ERC2: variants seen among roughly 807,000 people sequenced by gnomAD.
ERC2 encodes the protein ELKS/RAB6-interacting/CAST family member 2.
Under a neutral mutation model 114.8 loss-of-function variants are expected in ERC2, and 42 were observed. That is an observed-to-expected ratio of 0.37 (90% CI 0.29 to 0.47). The LOEUF (loss-of-function observed/expected upper bound fraction) is 0.47, where lower values mean the gene tolerates loss of function less well. Ranked by LOEUF, ERC2 falls within the 20% of genes least tolerant of loss-of-function variation. The pLI is 0.99. For synonymous variants in ERC2, 454 were observed against 425.5 expected (o/e 1.07, Z -0.82); for missense variants, 939 against 1,150.7 (o/e 0.82, Z 2.66).
intron 14 of ERC2, among the ~76,000 whole-genome samples, chr3:55,881,021 T>C (rs537471168): frequency 7.9e-5 from 12 of 152,326 alleles, no homozygotes; most frequent in African/African-American, 2.6e-4. Context: ...CAATTTTAAG[T>C]AACAATTGGC....
In ERC2 at chr3:56,367,894, G is replaced by C. The variant is rs1345092542; in HGVS notation, c.657+66457C>G. 5.1e-4 allele frequency among the ~76,000 whole-genome samples: 74 copies of C among 144,714 alleles called. 2 individuals carry two copies. In the Admixed American group the frequency reaches 5.2e-3, roughly 10 times the overall value. The allele number at this position is 144,714 out of a possible 152,430, so 94.9% of individuals were successfully genotyped here. A position where few individuals can be genotyped will look rare whatever the true frequency, so the allele number is the denominator to read the frequency against. On this transcript the variant is annotated intron_variant, in intron 2 of 17. Transcript: ENST00000288221. ...AAAAACAAAAACAAAAACAAAAAAA[G>C]AGGTTGAGGTAGGAGTATTGCTTGA...
intron 3 of ERC2, among the ~76,000 whole-genome samples, chr3:56,233,531 C>G (rs1031026132): frequency 6.6e-6 from 1 of 151,828 alleles, no homozygotes; most frequent in Non-Finnish European, 1.5e-5. Flanking sequence ...ATAATCCCAG[C>G]TACTCCAGAG....
intron 2 of ERC2, among the ~76,000 whole-genome samples, chr3:56,431,493 G>A (rs373265504): frequency 1.1e-4 from 16 of 152,246 alleles, no homozygotes; most frequent in Middle Eastern, 3.4e-3. Context: ...GAAAAGACCC[G>A]TCCCACAGAG....
intron 13 of ERC2, among the ~76,000 whole-genome samples, chr3:55,902,555 C>G (rs545151160): frequency 1.3e-5 from 2 of 152,210 alleles, no homozygotes; most frequent in Non-Finnish European, 2.9e-5. Context: ...ACCGACAGAA[C>G]TTAGCTGCAT....
intron 17 of ERC2, among the ~76,000 whole-genome samples, chr3:55,649,772 G>A (rs1381751367): frequency 6.6e-6 from 1 of 152,148 alleles, no homozygotes; most frequent in Non-Finnish European, 1.5e-5. Context: ...ATGTGCCAGT[G>A]CTCCTTGGAA....
At chr3:56,110,820 CA>C (rs918555643) in intron 6 of ERC2, among the ~76,000 whole-genome samples, 1 of 152,084 alleles carries the variant, frequency 6.6e-6, no homozygotes, top group Non-Finnish European at 1.5e-5. Context: ...AATGGATAAT[CA>C]AAGACTAATC....
At chr3:56,264,073 G>A (rs946238524) in intron 3 of ERC2, among the ~76,000 whole-genome samples, 2 of 152,066 alleles carry the variant, frequency 1.3e-5, no homozygotes, top group Admixed American at 1.3e-4. Flanking sequence ...CTCAATATAT[G>A]CACAAAAAGC....
At chr3:55,601,261 C>T (rs2058389722) in intron 17 of ERC2, among the ~76,000 whole-genome samples, 1 of 152,146 alleles carries the variant, frequency 6.6e-6, no homozygotes, top group Non-Finnish European at 1.5e-5. Flanking sequence ...CTGAGCCAAA[C>T]AAAATGCCAT....
At chr3:56,441,583 A>G (rs1167159842) in intron 1 of ERC2, among the ~76,000 whole-genome samples, 2 of 152,212 alleles carry the variant, frequency 1.3e-5, no homozygotes, top group Non-Finnish European at 2.9e-5. Context: ...AGATTGATAA[A>G]GCTCTTACTT....
intron 13 of ERC2, among the ~76,000 whole-genome samples, chr3:55,917,735 T>C (rs2065186664): frequency 6.6e-6 from 1 of 152,186 alleles, no homozygotes; most frequent in Non-Finnish European, 1.5e-5. Context: ...CAACTCTGAA[T>C]ATGCTGAAAA....
chr3:56,282,818 G>T lies in ERC2; in HGVS notation c.1074+13201C>A, dbSNP rs190426032. Reference sequence around the variant, plus strand: ...CCAGTGCCACACAGATTCCTCAGGAGGCATCTGTGATTTCAGGAAATGTGG... The same window carrying T: ...CCAGTGCCACACAGATTCCTCAGGATGCATCTGTGATTTCAGGAAATGTGG... On this transcript the variant is annotated intron_variant, in intron 3 of 17. Coordinates refer to ENST00000288221, the MANE Select transcript of ERC2 (RefSeq NM_015576.3). Among the ~76,000 whole-genome samples, 7 of 152,236 alleles carry T rather than the reference G, an allele frequency of 4.6e-5. No individual in the cohort carries two copies. In the East Asian group the frequency reaches 1.4e-3, roughly 29 times the overall value.
At chr3:55,894,191 A>G (rs1048732394) in intron 13 of ERC2, among the ~76,000 whole-genome samples, 1 of 152,216 alleles carries the variant, frequency 6.6e-6, no homozygotes, top group African/African-American at 2.4e-5. Context: ...TTTACATTTA[A>G]TAAATAATAT....
intron 17 of ERC2, among the ~76,000 whole-genome samples, chr3:55,550,903 C>T (rs1170311444): frequency 6.6e-6 from 1 of 151,478 alleles, no homozygotes; most frequent in South Asian, 2.1e-4. Context: ...GTAGTCCCAG[C>T]TACTCGGGAG....
At chr3:56,437,293 C>G (rs891825438) in intron 1 of ERC2, among the ~76,000 whole-genome samples, 2 of 152,254 alleles carry the variant, frequency 1.3e-5, no homozygotes, top group African/African-American at 4.8e-5. Flanking sequence ...CAAGCCCAGC[C>G]AAAGTCAGCA....
chr3:56,447,222 C>A (rs942953306), intron 1 of ERC2, among the ~76,000 whole-genome samples: 1 of 152,168 alleles, frequency 6.6e-6, no homozygotes, highest in Non-Finnish European at 1.5e-5. Flanking sequence ...CTTGCAGGAC[C>A]ACAGAGTGGG....
At chr3:56,329,005 A>G (rs1363668876) in intron 2 of ERC2, among the ~76,000 whole-genome samples, 1 of 152,244 alleles carries the variant, frequency 6.6e-6, no homozygotes, top group Non-Finnish European at 1.5e-5. Flanking sequence ...CAGTAGAGCA[A>G]GGGACAAGTC....
At chr3:56,061,281 C>A (rs1402979700) in intron 7 of ERC2, among the ~76,000 whole-genome samples, 2 of 152,198 alleles carry the variant, frequency 1.3e-5, no homozygotes, top group African/African-American at 4.8e-5. Flanking sequence ...AATTGACATT[C>A]TTGATTTTTC....
chr3:56,213,652 G>C (rs1203739138), intron 3 of ERC2, among the ~76,000 whole-genome samples: 1 of 152,208 alleles, frequency 6.6e-6, no homozygotes, highest in African/African-American at 2.4e-5. Flanking sequence ...CTGTCTGACA[G>C]CTTGGAAGAG....
intron 3 of ERC2, 114 bp downstream of exon 3, chr3:56,295,905 T>A (rs1560539668): frequency 1.7e-6 from 2 of 1,194,926 alleles, no homozygotes; most frequent in African/African-American, 3.1e-5. Flanking sequence ...ATAAAGCAGA[T>A]GACAAAGGGA....
Sources: gnomAD v4.1 joint callset for allele counts (sites outside exome capture counted in the v4.1 genomes callset) on GRCh38, gnomAD v4.1.1 for gene constraint, MANE v1.5 for transcripts, NCBI Gene and HGNC (gene_info 2026-07-23, HGNC 2026-07-21) for gene names.